The following RIMS1 variants were observed in gnomAD, a reference collection of about 807,000 sequenced individuals.
RIMS1 encodes the protein regulating synaptic membrane exocytosis protein 1.
Under a neutral mutation model 214.1 loss-of-function variants are expected in RIMS1, and 83 were observed. The ratio of observed to expected loss-of-function variants is 0.39; its 90% confidence interval spans 0.32 to 0.47. The LOEUF (loss-of-function observed/expected upper bound fraction) is 0.47. Ranked by LOEUF, RIMS1 falls within the 20% of genes least tolerant of loss-of-function variation. The pLI is 0.99. For synonymous variants in RIMS1, 793 were observed against 786.8 expected (o/e 1.01, Z -0.13); for missense variants, 2,050 against 2,161.8 (o/e 0.95, Z 1.03).
At chr6:72,281,252 C>G (rs937803320) in intron 23 of RIMS1, among the ~76,000 whole-genome samples, 2 of 152,056 alleles carry the variant, frequency 1.3e-5, no homozygotes, top group Non-Finnish European at 2.9e-5. Context: ...GTACCTACCT[C>G]TGGATTGGAA....
intron 6 of RIMS1, among the ~76,000 whole-genome samples, chr6:72,214,829 C>A (rs888398946): frequency 1.3e-5 from 2 of 151,938 alleles, no homozygotes; most frequent in African/African-American, 4.8e-5. Context: ...TCAAGCGATT[C>A]TCCTGCCTCA....
chr6:72,343,369 A>G (rs2097157053), intron 29 of RIMS1, among the ~76,000 whole-genome samples: 1 of 150,292 alleles, frequency 6.7e-6, no homozygotes, highest in Non-Finnish European at 1.5e-5. Context: ...TTTAGCATGC[A>G]TATTATTATT....
intron 11 of RIMS1, among the ~76,000 whole-genome samples, chr6:72,247,117 C>T (rs984423001): frequency 2.0e-5 from 3 of 152,136 alleles, no homozygotes; most frequent in Admixed American, 2.0e-4. Flanking sequence ...TCTATAAACA[C>T]TCTGTATTGC....
intron 2 of RIMS1, among the ~76,000 whole-genome samples, chr6:71,991,914 A>G (rs1801672192): frequency 6.6e-6 from 1 of 152,142 alleles, no homozygotes; most frequent in Non-Finnish European, 1.5e-5. Flanking sequence ...AAATACAAAA[A>G]GTTAGCCAGG....
At chr6:72,099,911 C>G (rs867636102) in intron 3 of RIMS1, 64 bp from the exon 4 acceptor site, 2 of 1,348,850 alleles carry the variant, frequency 1.5e-6, no homozygotes, top group East Asian at 2.3e-5. Flanking sequence ...ATACATGGCT[C>G]AATTTTGTTT....
intron 6 of RIMS1, among the ~76,000 whole-genome samples, chr6:72,187,031 C>A (rs760518725): frequency 6.6e-6 from 1 of 152,108 alleles, no homozygotes; most frequent in Non-Finnish European, 1.5e-5. Flanking sequence ...GAGGCTGACA[C>A]AGGAGAATTG....
chr6:71,966,427 A>G (rs1023487199), intron 1 of RIMS1, among the ~76,000 whole-genome samples: 2 of 152,248 alleles, frequency 1.3e-5, no homozygotes, highest in African/African-American at 4.8e-5. Context: ...AGACAGAAAC[A>G]GTATATTAAC....
At chr6:72,315,235 A>AT (rs891228636) in intron 28 of RIMS1, among the ~76,000 whole-genome samples, 3 of 152,070 alleles carry the variant, frequency 2.0e-5, no homozygotes, top group African/African-American at 7.2e-5. Flanking sequence ...AAGATAGAGG[A>AT]TTTTTTTGCT....
At chr6:71,933,435 T>A (rs139219479) in intron 1 of RIMS1, among the ~76,000 whole-genome samples, 61 of 152,322 alleles carry the variant, frequency 4.0e-4, no homozygotes, top group African/African-American at 1.5e-3. Context: ...TAATCTATAT[T>A]ATTTGTTCAA....
Position 72,158,321 on chromosome 6 carries a change from T to C in RIMS1, c.472-21254T>C, listed in dbSNP as rs546163265. On this transcript the variant is annotated intron_variant, in intron 4 of 33. Coordinates refer to ENST00000521978, the MANE Select transcript of RIMS1 (RefSeq NM_014989.7). ...CAAAGTATAATTGCATTGTCTTTTC[T>C]TCTGTTATGTTGAGAAGTTAGTTAT... Among the ~76,000 whole-genome samples the C allele has an allele frequency of 2.1e-5, 3 of 141,398 alleles. 1 individual carries two copies. In the East Asian group the frequency reaches 6.0e-4, roughly 28 times the overall value. The allele number at this position is 141,398 out of a possible 152,430, so 92.8% of individuals were successfully genotyped here. A position where few individuals can be genotyped will look rare whatever the true frequency, so the allele number is the denominator to read the frequency against.
chr6:71,975,164 A>C (rs183718069), intron 2 of RIMS1, among the ~76,000 whole-genome samples: 1 of 152,336 alleles, frequency 6.6e-6, no homozygotes, highest in African/African-American at 2.4e-5. Flanking sequence ...GTCAATATAT[A>C]AACATTTCAT....
chr6:72,297,267 G>C (rs1340636410), intron 26 of RIMS1, among the ~76,000 whole-genome samples: 1 of 151,832 alleles, frequency 6.6e-6, no homozygotes, highest in Non-Finnish European at 1.5e-5. Context: ...CACAACATTA[G>C]ATTCAGTAGT....
intron 23 of RIMS1, among the ~76,000 whole-genome samples, chr6:72,279,278 G>A (rs912572683): frequency 4.6e-5 from 7 of 151,710 alleles, no homozygotes; most frequent in African/African-American, 1.5e-4. Context: ...TTAATAGAAA[G>A]GAAATAATCA....
chr6:72,313,703 G>T (rs1205909985), intron 28 of RIMS1, 31 bp downstream of exon 28: 5 of 1,566,620 alleles, frequency 3.2e-6, no homozygotes, highest in Admixed American at 1.9e-5. Flanking sequence ...ATATAAACTG[G>T]ATCTTTATCT....
chr6:72,261,926 T>A, intron 19 of RIMS1: 1 of 984,854 alleles, frequency 1.0e-6, no homozygotes. Context: ...GGTCAAAGCA[T>A]GAACTATCCA....
intron 6 of RIMS1, among the ~76,000 whole-genome samples, chr6:72,184,769 A>C (rs1009975922): frequency 1.5e-4 from 21 of 144,048 alleles, no homozygotes; most frequent in African/African-American, 5.2e-4. Context: ...CTGGGAAAAA[A>C]AAAAAAGTGC....
Position 72,402,708 on chromosome 6 carries a change from T to C in RIMS1, c.*1994T>C, listed in dbSNP as rs1256056572. 6.6e-6 allele frequency: 1 copy of C among 152,666 alleles called. No homozygotes were observed. Among genetic ancestry groups the C allele is most frequent in the Non-Finnish European group, 1.5e-5 (1 of 68,034 alleles). 9.5% of individuals were successfully genotyped at this position (152,666 alleles called of 1,614,324 possible). On this transcript the variant is annotated 3_prime_UTR_variant, in exon 34 of 34. Transcript: ENST00000521978. ...AACTGATTATAATTGGGTAGTATCT[T>C]TCTATTTTGACCACTTGTCTTAACA...
intron 6 of RIMS1, chr6:72,217,352 A>G (rs1398302541): frequency 2.0e-6 from 2 of 982,618 alleles, no homozygotes; most frequent in South Asian, 1.7e-5. Context: ...TTCTATCAGT[A>G]GAGAATAAGG....
At chr6:71,982,101 A>G (rs1584097021) in intron 2 of RIMS1, among the ~76,000 whole-genome samples, 1 of 152,184 alleles carries the variant, frequency 6.6e-6, no homozygotes, top group East Asian at 1.9e-4. Flanking sequence ...GGAGGAGAAT[A>G]AAGGCATCTT....
Sources: gnomAD v4.1 joint callset for allele counts (sites outside exome capture counted in the v4.1 genomes callset) on GRCh38, gnomAD v4.1.1 for gene constraint, MANE v1.5 for transcripts, NCBI Gene and HGNC (gene_info 2026-07-23, HGNC 2026-07-21) for gene names.